RAB8B: variants seen among roughly 807,000 people sequenced by gnomAD.
RAB8B encodes the protein RAB8B, member RAS oncogene family.
RAB8B carries 11 observed loss-of-function variants against 32.0 expected under a neutral mutation model. The observed-to-expected ratio is 0.34, with a 90% confidence interval of 0.22 to 0.57. RAB8B has a LOEUF of 0.57. RAB8B is among the 20% of genes least tolerant of loss of function. The pLI, the probability that RAB8B is intolerant of heterozygous loss-of-function variation, is 0.86. For missense variants in RAB8B, 190 were observed against 258.5 expected, an observed-to-expected ratio of 0.73 and a Z score of 1.82; for synonymous variants, 103 against 89.6, an observed-to-expected ratio of 1.15 and a Z score of -0.85.
At chr15:63,254,234 G>T (rs1262651039) in intron 3 of RAB8B, among the ~76,000 whole-genome samples, 1 of 152,154 alleles carries the variant, frequency 6.6e-6, no homozygotes, top group African/African-American at 2.4e-5. Context: ...AAGTTCCCAG[G>T]CTTTGGCTTT....
chr15:63,255,398 GA>G (rs1250758489), intron 3 of RAB8B, 108 bp from the exon 4 acceptor site: 7 of 678,060 alleles, frequency 1.0e-5, no homozygotes, highest in East Asian at 9.2e-5. Context: ...TTTTTAAAGG[GA>G]AAAAATGGAC....
At chr15:63,196,630 A>G (rs748671227) in intron 1 of RAB8B, among the ~76,000 whole-genome samples, 6 of 152,208 alleles carry the variant, frequency 3.9e-5, no homozygotes, top group Non-Finnish European at 7.3e-5. Context: ...GGATGAAGGG[A>G]TGAATTGTGA....
At chr15:63,195,835 G>A (rs2037595605) in intron 1 of RAB8B, among the ~76,000 whole-genome samples, 1 of 152,210 alleles carries the variant, frequency 6.6e-6, no homozygotes, top group African/African-American at 2.4e-5. Context: ...CGAGTAATGT[G>A]GAGTATGATA....
intron 1 of RAB8B, among the ~76,000 whole-genome samples, chr15:63,230,522 G>C (rs1051870542): frequency 6.6e-6 from 1 of 152,072 alleles, no homozygotes; most frequent in East Asian, 1.9e-4. Flanking sequence ...AGCTGTTTTC[G>C]AACTCCTGAC....
chr15:63,263,783 C>T lies in RAB8B; in HGVS notation c.*164C>T. ...TGCCAAGTGGATTCCAGCCTCATGG[C>T]CTAGCAAAAGAACAGACTCCCTTTT... On this transcript the variant is annotated 3_prime_UTR_variant, in exon 8 of 8. Transcript: ENST00000321437. 1.9e-6 allele frequency: 1 copy of T among 523,534 alleles called. No individual in the cohort carries two copies. The highest frequency in any genetic ancestry group is 3.4e-5 in the Admixed American group (1 of 29,168). The allele number at this position is 523,534 out of a possible 1,614,324, so 32.4% of individuals were successfully genotyped here. A position where few individuals can be genotyped will look rare whatever the true frequency, so the allele number is the denominator to read the frequency against.
intron 1 of RAB8B, among the ~76,000 whole-genome samples, chr15:63,210,260 C>T (rs940006213): frequency 3.9e-5 from 6 of 152,222 alleles, no homozygotes; most frequent in Admixed American, 3.9e-4. Flanking sequence ...CTGGCCCTCT[C>T]TAGAGCTGTC....
Position 63,265,361 on chromosome 15 carries a change from T to G in RAB8B, c.*1742T>G, listed in dbSNP as rs1181642014. On this transcript the variant is annotated 3_prime_UTR_variant, in exon 8 of 8. Coordinates refer to ENST00000321437, the MANE Select transcript of RAB8B (RefSeq NM_016530.3). The surrounding 1 kb of genome is among the most constrained non-coding windows in gnomAD (Gnocchi z 4.9). ...ATATACTAAACTTATTGTTGACAAA[T>G]TTCAGCCTCCTTAATTTTTTTTTTT... 6.6e-6 allele frequency: 1 copy of G among 152,110 alleles called. No individual in the cohort carries two copies. The highest frequency in any genetic ancestry group is 1.5e-5 in the Non-Finnish European group (1 of 67,984). The allele number at this position is 152,110 out of a possible 1,614,324, so 9.4% of individuals were successfully genotyped here. A position where few individuals can be genotyped will look rare whatever the true frequency, so the allele number is the denominator to read the frequency against.
intron 1 of RAB8B, among the ~76,000 whole-genome samples, chr15:63,231,493 GTT>G (rs370434360): frequency 2.0e-4 from 6 of 29,304 alleles, no homozygotes; most frequent in East Asian, 6.0e-4. Context: ...GGATTTGCGT[GTT>G]TTTTGTTTTT....
intron 6 of RAB8B, 52 bp from the exon 7 acceptor site, chr15:63,262,640 T>TAC (rs1181459611): frequency 8.6e-6 from 4 of 464,798 alleles, no homozygotes; most frequent in African/African-American, 2.2e-5. Context: ...TATATATATA[T>TAC]ACATATATAT....
chr15:63,249,541 A>T, intron 2 of RAB8B, 104 bp from the exon 3 acceptor site: 1 of 1,053,552 alleles, frequency 9.5e-7, no homozygotes, highest in East Asian at 2.6e-5. Context: ...CTCTGTGACC[A>T]CTGCACCCTG....
At chr15:63,199,414 C>T (rs2037629271) in intron 1 of RAB8B, among the ~76,000 whole-genome samples, 1 of 152,170 alleles carries the variant, frequency 6.6e-6, no homozygotes, top group South Asian at 2.1e-4. Context: ...CAGTAATGAA[C>T]ACAGACCAGG....
At chr15:63,197,761 G>A (rs2037615573) in intron 1 of RAB8B, among the ~76,000 whole-genome samples, 1 of 152,088 alleles carries the variant, frequency 6.6e-6, no homozygotes, top group Non-Finnish European at 1.5e-5. Flanking sequence ...CAATCCTGAT[G>A]GATTGGTAGT....
chr15:63,221,649 C>T (rs1292367101), intron 1 of RAB8B, among the ~76,000 whole-genome samples: 1 of 152,148 alleles, frequency 6.6e-6, no homozygotes, highest in East Asian at 1.9e-4. Context: ...CCACCGCTAG[C>T]TGGGGATCCC....
At chr15:63,261,912 G>T (rs2038205991) in intron 6 of RAB8B, among the ~76,000 whole-genome samples, 1 of 152,168 alleles carries the variant, frequency 6.6e-6, no homozygotes, top group Non-Finnish European at 1.5e-5. Context: ...GAGACATTAT[G>T]GATAAATTAT....
At chr15:63,206,828 C>T (rs191739824) in intron 1 of RAB8B, among the ~76,000 whole-genome samples, 2 of 152,252 alleles carry the variant, frequency 1.3e-5, no homozygotes, top group African/African-American at 2.4e-5. Flanking sequence ...TCTCCTCACT[C>T]ATTAACCCCT....
chr15:63,252,905 T>C (rs1276482410), intron 3 of RAB8B, among the ~76,000 whole-genome samples: 2 of 152,168 alleles, frequency 1.3e-5, no homozygotes, highest in African/African-American at 2.4e-5. Flanking sequence ...TGCATCACCA[T>C]GCTCAGCTAA....
intron 2 of RAB8B, among the ~76,000 whole-genome samples, chr15:63,246,514 G>T (rs1186986803): frequency 6.6e-6 from 1 of 152,160 alleles, no homozygotes; most frequent in African/African-American, 2.4e-5. Flanking sequence ...TGAACAGCCA[G>T]ATGGAAGAGA....
At chr15:63,244,085 T>C (rs528137786) in intron 1 of RAB8B, among the ~76,000 whole-genome samples, 2 of 152,320 alleles carry the variant, frequency 1.3e-5, no homozygotes, top group African/African-American at 2.4e-5. Flanking sequence ...ATCTCTAAGG[T>C]CCCACAATGG....
chr15:63,264,664 G>A lies in RAB8B; in HGVS notation c.*1045G>A, dbSNP rs965959156. On this transcript the variant is annotated 3_prime_UTR_variant, in exon 8 of 8. Coordinates refer to ENST00000321437, the MANE Select transcript of RAB8B (RefSeq NM_016530.3). ...TCCCTATATAGAGACAGATTAACTTGTTGATATAAATTTAATAGAGCTAGC... is the reference window on the plus strand; with the variant it reads ...TCCCTATATAGAGACAGATTAACTTATTGATATAAATTTAATAGAGCTAGC... 2 of 152,194 alleles carry A rather than the reference G, an allele frequency of 1.3e-5. No homozygotes were observed. Among genetic ancestry groups the A allele is most frequent in the Non-Finnish European group, 2.9e-5 (2 of 68,036 alleles). 9.4% of individuals were successfully genotyped at this position (152,194 alleles called of 1,614,324 possible).
Sources: allele counts gnomAD v4.1 joint callset (sites outside exome capture counted in the v4.1 genomes callset), GRCh38; gene constraint gnomAD v4.1.1; non-coding constraint Gnocchi (gnomAD v3.1); transcripts MANE v1.5; gene names NCBI Gene and HGNC (gene_info 2026-07-23, HGNC 2026-07-21).